PXDNL: variants seen among roughly 807,000 people sequenced by gnomAD.
The protein encoded by PXDNL is probable oxidoreductase PXDNL.
In PXDNL, 145 loss-of-function variants were observed where a neutral mutation model predicts 150.8. The observed-to-expected ratio is 0.96, with a 90% CI of 0.84 to 1.10. PXDNL has a LOEUF of 1.10. PXDNL is among the 50% of genes least tolerant of loss of function. PXDNL has a pLI of 0.00. For synonymous variants in PXDNL, 757 were observed against 725.7 expected (o/e 1.04, Z -0.69); for missense variants, 2,087 against 1,873.9 (o/e 1.11, Z -2.10).
chr8:51,448,950 A>G (rs1809743727), intron 11 of PXDNL, 52 bp downstream of exon 11: 1 of 921,956 alleles, frequency 1.1e-6, no homozygotes, highest in African/African-American at 1.6e-5. Flanking sequence ...TTTACTATCC[A>G]CAAAAGAAGG....
At chr8:51,536,144 A>T (rs552361297) in intron 4 of PXDNL, among the ~76,000 whole-genome samples, 1 of 152,364 alleles carries the variant, frequency 6.6e-6, no homozygotes, top group African/African-American at 2.4e-5. Flanking sequence ...TGGATATTTG[A>T]GTACCAAGTT....
At chr8:51,413,910 T>C (rs1260271691) in intron 14 of PXDNL, among the ~76,000 whole-genome samples, 1 of 152,116 alleles carries the variant, frequency 6.6e-6, no homozygotes, top group Non-Finnish European at 1.5e-5. Context: ...TTACAGTTCA[T>C]ATCAGAGAAA....
chr8:51,321,642 GC>G (rs1290063617), intron 21 of PXDNL, among the ~76,000 whole-genome samples: 1 of 152,044 alleles, frequency 6.6e-6, no homozygotes, highest in East Asian at 1.9e-4. Context: ...CTCTCCTGCT[GC>G]CATGTGAAGA....
At chr8:51,359,549 C>T (rs1336246539) in intron 19 of PXDNL, among the ~76,000 whole-genome samples, 3 of 99,012 alleles carry the variant, frequency 3.0e-5, no homozygotes, top group East Asian at 4.4e-4. Flanking sequence ...AAATAAAGAA[C>T]GTTTCAGAAG....
At chr8:51,425,779 G>A (rs1019250088) in intron 13 of PXDNL, among the ~76,000 whole-genome samples, 17 of 151,366 alleles carry the variant, frequency 1.1e-4, no homozygotes, top group South Asian at 2.1e-4. Context: ...CCGAGATCGC[G>A]CCACTGCACT....
At position 51,475,107 on chromosome 8, in the gene PXDNL, C is replaced by T; in HGVS notation, c.559G>A (p.Asp187Asn). The stretch of plus-strand genomic sequence containing the variant: ...AAAAGCTCCCCCAGCCACATCAGAT[C>T]ACAGTCACAAACCAGGGCGTTGGAA... The part of the protein sequence containing the change: ...LDSNALVCDC[D>N]LMWLGELLQG... Residue 187 changes from aspartate to asparagine, a missense_variant, in exon 7 of 23, where the codon GAT becomes AAT. Asp to Asn is a conservative substitution (Grantham distance 23). Coordinates refer to ENST00000356297, the MANE Select transcript of PXDNL (RefSeq NM_144651.5). The T allele has an allele frequency of 6.2e-7, 1 of 1,613,908 alleles. No homozygotes were observed. Among genetic ancestry groups the T allele is most frequent in the South Asian group, 1.1e-5 (1 of 91,082 alleles).
intron 4 of PXDNL, among the ~76,000 whole-genome samples, chr8:51,520,756 A>C (rs7841888): frequency 6.6e-6 from 1 of 152,086 alleles, no homozygotes; most frequent in Non-Finnish European, 1.5e-5. Context: ...TGAAGCCTGC[A>C]TACCTCAGCA....
At chr8:51,575,044 C>T (rs1266795947) in intron 3 of PXDNL, among the ~76,000 whole-genome samples, 1 of 151,920 alleles carries the variant, frequency 6.6e-6, no homozygotes, top group African/African-American at 2.4e-5. Context: ...TGGTTGATAA[C>T]TGAATAAAAA....
At chr8:51,481,501 A>G (rs1216863099) in intron 6 of PXDNL, among the ~76,000 whole-genome samples, 1 of 152,238 alleles carries the variant, frequency 6.6e-6, no homozygotes, top group Non-Finnish European at 1.5e-5. Context: ...GAAATATGCA[A>G]AAGTCATGAG....
intron 2 of PXDNL, among the ~76,000 whole-genome samples, chr8:51,631,546 T>C (rs1421703803): frequency 6.6e-6 from 1 of 152,126 alleles, no homozygotes; most frequent in African/African-American, 2.4e-5. Flanking sequence ...TCTTTTGAGC[T>C]GACATGAAAG....
chr8:51,664,538 C>A (rs558445656), intron 1 of PXDNL, among the ~76,000 whole-genome samples: 12 of 152,232 alleles, frequency 7.9e-5, no homozygotes, highest in African/African-American at 2.6e-4. Flanking sequence ...CCCATTTGCA[C>A]GTGAGCCAAT....
chr8:51,339,601 T>G, intron 21 of PXDNL, 23 bp downstream of exon 21: 1 of 1,608,950 alleles, frequency 6.2e-7, no homozygotes, highest in Non-Finnish European at 8.5e-7. Context: ...AATAAGGACA[T>G]GTTATTTGAA....
At chr8:51,575,516 A>T (rs192924481) in intron 3 of PXDNL, among the ~76,000 whole-genome samples, 168 of 152,200 alleles carry the variant, frequency 1.1e-3, no homozygotes, top group African/African-American at 3.8e-3. Context: ...GGAGTTCTAG[A>T]CCAGCTTGGC....
At position 51,374,732 on chromosome 8, in the gene PXDNL, C is replaced by G. The variant is rs1807248307; in HGVS notation, c.3558-1G>C. On this transcript the variant is annotated splice_acceptor_variant, in intron 17 of 22. Transcript: ENST00000356297. LOFTEE classifies it high-confidence loss of function. ...AATGTCACCTGGAGAGCCGTACAAC[C>G]TGGAACAGAGACAGGCAGACAGCGC... The G allele has an allele frequency of 6.2e-7, 1 of 1,613,686 alleles. No individual in the cohort carries two copies.
At chr8:51,502,654 C>T (rs1478923122) in intron 4 of PXDNL, among the ~76,000 whole-genome samples, 2 of 144,444 alleles carry the variant, frequency 1.4e-5, no homozygotes, top group African/African-American at 5.4e-5. Flanking sequence ...TATGTATAAG[C>T]CCAGTAGAAG....
chr8:51,726,419 C>G (rs60962809), intron 1 of PXDNL, among the ~76,000 whole-genome samples: 2 of 152,198 alleles, frequency 1.3e-5, no homozygotes, highest in African/African-American at 4.8e-5. Flanking sequence ...CATTGAAAGG[C>G]CCATGATGGC....
intron 8 of PXDNL, among the ~76,000 whole-genome samples, chr8:51,462,568 C>A (rs1253848888): frequency 6.6e-6 from 1 of 152,036 alleles, no homozygotes; most frequent in African/African-American, 2.4e-5. Context: ...AAAACTGGTT[C>A]TTTGAATCAA....
intron 1 of PXDNL, among the ~76,000 whole-genome samples, chr8:51,717,773 G>C (rs1816644436): frequency 6.6e-6 from 1 of 152,208 alleles, no homozygotes; most frequent in African/African-American, 2.4e-5. Flanking sequence ...GCAGCAGCAG[G>C]AGAGGGAGAG....
intron 3 of PXDNL, among the ~76,000 whole-genome samples, chr8:51,578,448 C>A (rs141340023): frequency 6.6e-6 from 1 of 151,742 alleles, no homozygotes; most frequent in African/African-American, 2.4e-5. Flanking sequence ...TATTTTAAAA[C>A]TATAAAACAC....
Sources: gnomAD v4.1 joint callset for allele counts (sites outside exome capture counted in the v4.1 genomes callset) on GRCh38, gnomAD v4.1.1 for gene constraint, MANE v1.5 for transcripts, NCBI Gene and HGNC (gene_info 2026-07-23, HGNC 2026-07-21) for gene names.